AKAP19: variants seen among roughly 807,000 people sequenced by gnomAD.
AKAP19 encodes A-kinase anchoring protein 19, also known as small A-kinase anchoring protein.
At chr2:189,902,359 G>A in the AKAP19 span, among the ~76,000 whole-genome samples, 3 of 151,728 alleles carry the variant, frequency 2.0e-5, no homozygotes, top group African/African-American at 7.2e-5. Flanking sequence ...ACTTAGAAAT[G>A]TTTATTTTTG....
At chr2:190,200,124 A>G in the AKAP19 span, 1 of 1,613,880 alleles carries the variant, frequency 6.2e-7, no homozygotes, top group South Asian at 1.1e-5. Flanking sequence ...ATGACATTCC[A>G]TACATTGAGA....
At chr2:189,964,518 G>A in the AKAP19 span, among the ~76,000 whole-genome samples, 2 of 152,132 alleles carry the variant, frequency 1.3e-5, no homozygotes, top group South Asian at 2.1e-4. Flanking sequence ...GTCCTAGATG[G>A]CATCTTCTTC....
chr2:189,945,842 G>C, the AKAP19 span, among the ~76,000 whole-genome samples: 1 of 152,140 alleles, frequency 6.6e-6, no homozygotes, highest in Admixed American at 6.5e-5. Context: ...GTACATTTAA[G>C]TTAATATTAA....
At chr2:190,092,587 A>T in the AKAP19 span, among the ~76,000 whole-genome samples, 1 of 151,982 alleles carries the variant, frequency 6.6e-6, no homozygotes, top group African/African-American at 2.4e-5. Flanking sequence ...GTTTGCATAG[A>T]CCTGTCCACC....
At chr2:189,946,679 C>A in the AKAP19 span, among the ~76,000 whole-genome samples, 2 of 152,124 alleles carry the variant, frequency 1.3e-5, no homozygotes, top group African/African-American at 2.4e-5. Context: ...TTTTTAGTCA[C>A]AGTAAATAGG....
At chr2:190,009,868 G>T in the AKAP19 span, among the ~76,000 whole-genome samples, 1 of 151,716 alleles carries the variant, frequency 6.6e-6, no homozygotes, top group Non-Finnish European at 1.5e-5. Context: ...GACCAGTAGG[G>T]TCCTAGGATA....
At chr2:189,892,373 A>G in the AKAP19 span, among the ~76,000 whole-genome samples, 2 of 151,782 alleles carry the variant, frequency 1.3e-5, no homozygotes, top group Admixed American at 1.3e-4. Context: ...TCGTGGATTT[A>G]TCTACCTTTG....
At chr2:189,923,138 G>A in the AKAP19 span, among the ~76,000 whole-genome samples, 1 of 152,118 alleles carries the variant, frequency 6.6e-6, no homozygotes. Flanking sequence ...GCGACAGAGT[G>A]AGACTCCATC....
At chr2:189,971,729 G>A in the AKAP19 span, among the ~76,000 whole-genome samples, 80 of 152,254 alleles carry the variant, frequency 5.3e-4, no homozygotes, top group Middle Eastern at 3.4e-3. Flanking sequence ...TTTCTCTGAT[G>A]GCCAGTGATG....
chr2:189,886,707 T>C, the AKAP19 span, among the ~76,000 whole-genome samples: 12 of 152,206 alleles, frequency 7.9e-5, no homozygotes, highest in African/African-American at 2.9e-4. Flanking sequence ...GTTTTCTTTT[T>C]TGTTTCTTAA....
chr2:190,080,123 T>C, the AKAP19 span: 5 of 152,308 alleles, frequency 3.3e-5, no homozygotes, highest in East Asian at 7.7e-4. Flanking sequence ...CTCGGTTATA[T>C]AGAAACTCCC....
chr2:190,007,431 C>G, the AKAP19 span, among the ~76,000 whole-genome samples: 1 of 152,062 alleles, frequency 6.6e-6, no homozygotes, highest in East Asian at 1.9e-4. Context: ...GTTACCACAA[C>G]CTATGGGGAA....
At chr2:189,924,296 C>A in the AKAP19 span, 7 of 1,018,648 alleles carry the variant, frequency 6.9e-6, no homozygotes, top group Non-Finnish European at 1.1e-5. Flanking sequence ...TTCACCAGAT[C>A]CTCTCCCCTA....
At chr2:190,021,866 T>A in the AKAP19 span, among the ~76,000 whole-genome samples, 1 of 152,216 alleles carries the variant, frequency 6.6e-6, no homozygotes, top group Admixed American at 6.5e-5. Flanking sequence ...GTGGATAGTT[T>A]ATAAAAGAAC....
At chr2:189,950,706 C>T in the AKAP19 span, among the ~76,000 whole-genome samples, 1 of 152,050 alleles carries the variant, frequency 6.6e-6, no homozygotes, top group Non-Finnish European at 1.5e-5. Context: ...AAGTATATTG[C>T]CTATGTATAT....
the AKAP19 span, chr2:190,202,268 T>TAATAGAGTAC: frequency 6.0e-6 from 1 of 167,032 alleles, no homozygotes; most frequent in African/African-American, 2.4e-5. Flanking sequence ...AATCACATTT[T>TAATAGAGTAC]AATAGAGTAC....
At chr2:190,156,534 A>G in the AKAP19 span, among the ~76,000 whole-genome samples, 1 of 152,180 alleles carries the variant, frequency 6.6e-6, no homozygotes, top group Middle Eastern at 3.2e-3. Context: ...TTTGAAACAC[A>G]TGATAGAGAA....
chr2:190,069,175 TGAGA>T, the AKAP19 span, among the ~76,000 whole-genome samples: 9 of 123,538 alleles, frequency 7.3e-5, no homozygotes, highest in East Asian at 1.2e-3. Context: ...TGTGTGTGTG[TGAGA>T]GAGAGAGAGA....
chr2:189,970,650 A>G, the AKAP19 span, among the ~76,000 whole-genome samples: 1 of 152,234 alleles, frequency 6.6e-6, no homozygotes, highest in Non-Finnish European at 1.5e-5. Context: ...TATCAAGAAC[A>G]CTGCTATGTT....
Sources: gnomAD v4.1 joint callset for allele counts (sites outside exome capture counted in the v4.1 genomes callset) on GRCh38, gnomAD v4.1.1 for gene constraint, MANE v1.5 for transcripts, NCBI Gene and HGNC (gene_info 2026-07-23, HGNC 2026-07-21) for gene names.